Variants in WDHD1 observed in about 807,000 individuals in gnomAD.
The protein encoded by WDHD1 is WD repeat and HMG-box DNA-binding protein 1.
Under a neutral mutation model 135.4 loss-of-function variants are expected in WDHD1, and 111 were observed. The observed-to-expected ratio is 0.82, with a 90% CI of 0.70 to 0.96. WDHD1 has a LOEUF of 0.96. Among genes scored for constraint, WDHD1 ranks in the 40% least tolerant of loss-of-function variants. The pLI, the probability that WDHD1 is intolerant of heterozygous loss-of-function variation, is 0.00. For missense variants in WDHD1, 1,351 were observed against 1,336.3 expected (o/e 1.01, Z -0.17); for synonymous variants, 434 against 439.0 (o/e 0.99, Z 0.14).
chr14:54,998,557 GAATA>G, intron 10 of WDHD1, among the ~76,000 whole-genome samples: 1 of 152,246 alleles, frequency 6.6e-6, no homozygotes, highest in East Asian at 1.9e-4. Flanking sequence ...CTTCTCTACA[GAATA>G]AATCCTTCCA....
At chr14:54,981,972 A>G (rs1051014149) in intron 15 of WDHD1, among the ~76,000 whole-genome samples, 2 of 151,978 alleles carry the variant, frequency 1.3e-5, no homozygotes, top group African/African-American at 4.8e-5. Context: ...CACCTGCTGG[A>G]AGATAATAAT....
chr14:55,014,759 G>C (rs1312281986), intron 2 of WDHD1, among the ~76,000 whole-genome samples: 1 of 151,704 alleles, frequency 6.6e-6, no homozygotes, highest in Non-Finnish European at 1.5e-5. Context: ...TCTATATAAA[G>C]AGCTGTGGAT....
chr14:54,991,318 T>C lies in WDHD1; in HGVS notation c.1236A>G (p.Pro412=). The C allele has an allele frequency of 6.2e-7, 1 of 1,614,118 alleles. No homozygotes were observed. The highest frequency in any genetic ancestry group is 8.5e-7 in the Non-Finnish European group (1 of 1,179,966). Residue 412 remains proline (P), a synonymous_variant, in exon 12 of 26, where the codon CCA becomes CCG. Coordinates refer to ENST00000360586, the MANE Select transcript of WDHD1 (RefSeq NM_007086.4). ...DGQEGSIHNL[P]LVTSQRPFYD... ...AAAATGGCCTTTGGGATGTTACAAG[T>C]GGTAGATTGTGAATGCTGCCTTCTT... is the stretch of plus-strand genomic sequence containing the variant.
intron 16 of WDHD1, 58 bp downstream of exon 16, chr14:54,981,482 A>G (rs972505239): frequency 6.5e-7 from 1 of 1,542,176 alleles, no homozygotes; most frequent in Non-Finnish European, 8.8e-7. Context: ...GCCTCATAAA[A>G]AGAATTTCAA....
intron 23 of WDHD1, among the ~76,000 whole-genome samples, chr14:54,956,252 C>A (rs2041157511): frequency 6.6e-6 from 1 of 152,030 alleles, no homozygotes; most frequent in Non-Finnish European, 1.5e-5. Flanking sequence ...TCAGAACTAT[C>A]TGGGTGATTT....
In WDHD1 at chr14:55,007,272, T is replaced by C. The variant is rs768517319; in HGVS notation, c.600+8A>G. On this transcript the variant is annotated splice_region_variant and intron_variant, in intron 7 of 25. Coordinates refer to ENST00000360586, the MANE Select transcript of WDHD1 (RefSeq NM_007086.4). ...AAAGAAAAGAAAAGAAAAATAAGAATCACTTACCTTCCCACTTTTTGGCTG... is the reference window on the plus strand; with the variant it reads ...AAAGAAAAGAAAAGAAAAATAAGAACCACTTACCTTCCCACTTTTTGGCTG... 1 of 1,435,156 alleles carries C rather than the reference T, an allele frequency of 7.0e-7. No homozygotes were observed. The highest frequency in any genetic ancestry group is 9.5e-7 in the Non-Finnish European group (1 of 1,051,956). 88.9% of individuals were successfully genotyped at this position (1,435,156 alleles called of 1,614,324 possible). A position where few individuals can be genotyped will look rare whatever the true frequency, so the allele number is the denominator to read the frequency against.
In WDHD1 at chr14:54,962,637, G is replaced by A. The variant is rs535662346; in HGVS notation, c.2648-86C>T. 2.6e-5 allele frequency: 40 copies of A among 1,531,832 alleles called. No homozygotes were observed. In the Admixed American group the frequency reaches 6.5e-4, roughly 25 times the overall value. The allele number at this position is 1,531,832 out of a possible 1,614,324, so 94.9% of individuals were successfully genotyped here. A position where few individuals can be genotyped will look rare whatever the true frequency, so the allele number is the denominator to read the frequency against. On this transcript the variant is annotated intron_variant, in intron 20 of 25. Coordinates refer to ENST00000360586, the MANE Select transcript of WDHD1 (RefSeq NM_007086.4). ...CAACAACCAGATAGCAAAGAGGTCT[G>A]AAAAAAAGTATGAGTATTCAATTTC...
chr14:55,005,559 C>T, intron 7 of WDHD1: 3 of 599,498 alleles, frequency 5.0e-6, no homozygotes, highest in South Asian at 1.4e-5. Flanking sequence ...TAGATGCCAA[C>T]ACTTTTCCTT....
In WDHD1 at chr14:54,967,316, A is replaced by G. The variant is rs765769805; in HGVS notation, c.2142T>C (p.Pro714=). ...CTTTCTCTGTTGCAATCTGACAGTAAGGAAGCTTAAAGGATAATATAGCAA... is the reference window on the plus strand; with the variant it reads ...CTTTCTCTGTTGCAATCTGACAGTAGGGAAGCTTAAAGGATAATATAGCAA... ...PAVAILSFKL[P]YCQIATEKGQ... The change falls in exon 17 of 26, where the codon CCT becomes CCC. Residue 714 remains proline, a synonymous_variant. Coordinates refer to ENST00000360586, the MANE Select transcript of WDHD1 (RefSeq NM_007086.4). The G allele has an allele frequency of 1.2e-6, 2 of 1,612,518 alleles. No individual in the cohort carries two copies. Among genetic ancestry groups the G allele is most frequent in the Non-Finnish European group, 1.7e-6 (2 of 1,178,918 alleles).
At chr14:54,948,106 C>T (rs2040963786) in intron 24 of WDHD1, among the ~76,000 whole-genome samples, 1 of 151,894 alleles carries the variant, frequency 6.6e-6, no homozygotes, top group Non-Finnish European at 1.5e-5. Context: ...GAGCTTCAGC[C>T]TACAGCTCCC....
chr14:54,980,840 G>C (rs1220103830), intron 16 of WDHD1, among the ~76,000 whole-genome samples: 1 of 149,476 alleles, frequency 6.7e-6, no homozygotes, highest in Admixed American at 6.7e-5. Context: ...GCTGGGCGTG[G>C]TGGCTCATGC....
intron 16 of WDHD1, among the ~76,000 whole-genome samples, chr14:54,969,695 ACT>A (rs2041401183): frequency 6.6e-6 from 1 of 152,034 alleles, no homozygotes; most frequent in Non-Finnish European, 1.5e-5. Flanking sequence ...TCTCCAAATC[ACT>A]CTATAAAGCC....
chr14:55,008,434 A>T, intron 5 of WDHD1, 68 bp from the exon 6 acceptor site: 1 of 1,532,176 alleles, frequency 6.5e-7, no homozygotes, highest in Non-Finnish European at 8.9e-7. Context: ...TGGTTCAATT[A>T]ATTAAATCAA....
intron 2 of WDHD1, among the ~76,000 whole-genome samples, chr14:55,020,991 G>A (rs147368737): frequency 5.9e-5 from 9 of 152,148 alleles, no homozygotes; most frequent in African/African-American, 1.2e-4. Flanking sequence ...GAAGGCTGAC[G>A]GGGAACACGA....
chr14:54,997,774 G>T (rs551674402), intron 10 of WDHD1, among the ~76,000 whole-genome samples: 1 of 152,028 alleles, frequency 6.6e-6, no homozygotes, highest in Non-Finnish European at 1.5e-5. Flanking sequence ...AGCCAGGCGT[G>T]GGGGCACAAG....
chr14:55,009,881 C>T (rs919312271), intron 4 of WDHD1, among the ~76,000 whole-genome samples: 3 of 151,982 alleles, frequency 2.0e-5, no homozygotes, highest in Non-Finnish European at 4.4e-5. Flanking sequence ...AATGCAGTGG[C>T]ACCATCTTGG....
chr14:54,941,837 T>A (rs1005314083), intron 25 of WDHD1, 147 bp from the exon 26 acceptor site: 32 of 675,680 alleles, frequency 4.7e-5, no homozygotes, highest in Non-Finnish European at 7.2e-5. Flanking sequence ...TGTTAACAAA[T>A]CTTTTATTAC....
rs2040839245 is a variant in WDHD1 at position 54,941,580 on chromosome 14, T to G, written c.3300A>C (p.Ala1100=). ...TTTTAGACAAATTCAGGTTCTCTTT[T>G]GCTTTTTCTTCCTGGTTTTCTGTTT... ...SDETENQEEK[A]KENLNLSKKQ... Residue 1100 remains alanine, a synonymous_variant, in exon 26 of 26, where the codon GCA becomes GCC. Transcript: ENST00000360586. 1.9e-6 allele frequency: 3 copies of G among 1,613,928 alleles called. No homozygotes were observed. The highest frequency in any genetic ancestry group is 1.7e-5 in the Admixed American group (1 of 60,000).
At chr14:55,000,820 A>G in intron 9 of WDHD1, 66 bp downstream of exon 9, 1 of 1,268,890 alleles carries the variant, frequency 7.9e-7, no homozygotes, top group Non-Finnish European at 1.0e-6. Context: ...AAATGTTTCA[A>G]AATAAAACAA....
Sources: gnomAD v4.1 joint callset for allele counts (sites outside exome capture counted in the v4.1 genomes callset) on GRCh38, gnomAD v4.1.1 for gene constraint, MANE v1.5 for transcripts, NCBI Gene and HGNC (gene_info 2026-07-23, HGNC 2026-07-21) for gene names.